PPM1L: variants seen among roughly 807,000 people sequenced by gnomAD.
PPM1L encodes the protein protein phosphatase 1L.
A neutral mutation model predicts 31.4 loss-of-function variants in PPM1L; 13 were observed. The observed-to-expected ratio is 0.41, with a 90% CI of 0.27 to 0.66. PPM1L has a LOEUF of 0.66. PPM1L is among the 30% of genes least tolerant of loss of function. PPM1L has a pLI of 0.29. For synonymous variants in PPM1L, 184 were observed against 175.4 expected, an observed-to-expected ratio of 1.05 and a Z score of -0.39; for missense variants, 326 against 453.7, an observed-to-expected ratio of 0.72 and a Z score of 2.56.
At chr3:160,849,706 C>T (rs1241928151) in intron 1 of PPM1L, among the ~76,000 whole-genome samples, 1 of 151,112 alleles carries the variant, frequency 6.6e-6, no homozygotes, top group Admixed American at 6.6e-5. Flanking sequence ...CTACAGGCGC[C>T]CGCCACCACG....
intron 1 of PPM1L, among the ~76,000 whole-genome samples, chr3:160,835,039 A>ACTTCTTCTTCCT (rs1553810670): frequency 1.5e-5 from 2 of 131,754 alleles, no homozygotes; most frequent in African/African-American, 6.2e-5. Context: ...TACTACTACT[A>ACTTCTTCTTCCT]CTTCTTCTTC....
At chr3:160,961,588 A>T in intron 1 of PPM1L, 148 bp from the exon 2 acceptor site, 1 of 545,780 alleles carries the variant, frequency 1.8e-6, no homozygotes, top group Non-Finnish European at 3.0e-6. Flanking sequence ...TCCAGTGGAT[A>T]CTAAAAATGA....
At chr3:160,838,547 C>G (rs910844556) in intron 1 of PPM1L, among the ~76,000 whole-genome samples, 1 of 151,046 alleles carries the variant, frequency 6.6e-6, no homozygotes, top group African/African-American at 2.5e-5. Flanking sequence ...AGCTGGAAAT[C>G]TGGATTTTTG....
chr3:161,049,475 T>C (rs1367090685), intron 2 of PPM1L, among the ~76,000 whole-genome samples: 1 of 152,180 alleles, frequency 6.6e-6, no homozygotes, highest in African/African-American at 2.4e-5. Context: ...TAAAACTAAC[T>C]GCCTCCTTGC....
chr3:160,849,393 C>CTCTTTCTTTCTTTCTTTCTT (rs540054052), intron 1 of PPM1L, among the ~76,000 whole-genome samples: 12 of 151,232 alleles, frequency 7.9e-5, no homozygotes, highest in African/African-American at 2.9e-4. Flanking sequence ...GACCTGCATT[C>CTCTTTCTTTCTTTCTTTCTT]TCTTTCTTTC....
intron 1 of PPM1L, among the ~76,000 whole-genome samples, chr3:160,919,424 A>C (rs1283600249): frequency 2.6e-5 from 4 of 152,218 alleles, no homozygotes; most frequent in Non-Finnish European, 5.9e-5. Flanking sequence ...AAGGCACACA[A>C]AAATTTTTCT....
intron 1 of PPM1L, among the ~76,000 whole-genome samples, chr3:160,784,178 A>G (rs1304545545): frequency 6.6e-6 from 1 of 152,194 alleles, no homozygotes. Context: ...GTACCTATCT[A>G]TATTCACAGA....
At chr3:160,799,697 G>T (rs1483825428) in intron 1 of PPM1L, among the ~76,000 whole-genome samples, 1 of 152,086 alleles carries the variant, frequency 6.6e-6, no homozygotes, top group African/African-American at 2.4e-5. Flanking sequence ...CATTTTGCCT[G>T]GAACATGTTC....
intron 1 of PPM1L, among the ~76,000 whole-genome samples, chr3:160,864,599 A>G (rs771262095): frequency 6.6e-6 from 1 of 152,224 alleles, no homozygotes; most frequent in Non-Finnish European, 1.5e-5. Context: ...TTGGCTTCAA[A>G]TCTTTATCAG....
intron 2 of PPM1L, among the ~76,000 whole-genome samples, chr3:161,001,943 C>T (rs537787015): frequency 1.3e-5 from 2 of 151,952 alleles, no homozygotes; most frequent in African/African-American, 4.8e-5. Context: ...CCCACTAACT[C>T]GTCATCTAGC....
At chr3:160,808,383 CTGTGTGTGTGTGTGTGTGTG>C (rs71912617) in intron 1 of PPM1L, among the ~76,000 whole-genome samples, 7 of 110,310 alleles carry the variant, frequency 6.3e-5, no homozygotes, top group Admixed American at 6.0e-4. Context: ...CAGGATTTTC[CTGTGTGTGTGTGTGTGTGTG>C]TGTGTGTGTG....
At position 160,770,215 on chromosome 3, in the gene PPM1L, C is replaced by T. The variant is rs1404243711; in HGVS notation, c.399+13508C>T. ...ACTACAGATAATGTAATTTTGTCTC[C>T]TACTTTCTAGATAGTTGTATTTTTT... On this transcript the variant is annotated intron_variant, in intron 1 of 3. Coordinates refer to ENST00000498165, the MANE Select transcript of PPM1L (RefSeq NM_139245.4). Among the ~76,000 whole-genome samples, 9 of 152,096 alleles carry T rather than the reference C, an allele frequency of 5.9e-5. No individual in the cohort carries two copies. The South Asian group carries it at 1.5e-3, about 25-fold the overall frequency.
At chr3:161,029,899 T>C (rs1367519136) in intron 2 of PPM1L, among the ~76,000 whole-genome samples, 7 of 152,128 alleles carry the variant, frequency 4.6e-5, no homozygotes, top group Non-Finnish European at 1.0e-4. Context: ...ATTCCTGATA[T>C]CAGAACAACT....
At chr3:160,802,324 T>G (rs1712454387) in intron 1 of PPM1L, among the ~76,000 whole-genome samples, 1 of 152,128 alleles carries the variant, frequency 6.6e-6, no homozygotes, top group Non-Finnish European at 1.5e-5. Context: ...AGGGATCTGG[T>G]CATTATATAA....
chr3:160,760,652 G>A (rs756901368), intron 1 of PPM1L, among the ~76,000 whole-genome samples: 1 of 151,600 alleles, frequency 6.6e-6, no homozygotes, highest in Non-Finnish European at 1.5e-5. Flanking sequence ...AATGATTTTT[G>A]TCTAGGAAAA....
At chr3:160,905,989 CT>C (rs749039554) in intron 1 of PPM1L, among the ~76,000 whole-genome samples, 13 of 151,808 alleles carry the variant, frequency 8.6e-5, no homozygotes, top group Non-Finnish European at 1.8e-4. Flanking sequence ...CTATTGCTTC[CT>C]TTTGGGCTTC....
intron 2 of PPM1L, among the ~76,000 whole-genome samples, chr3:161,018,324 G>C (rs1718142428): frequency 6.6e-6 from 1 of 152,044 alleles, no homozygotes; most frequent in Non-Finnish European, 1.5e-5. Context: ...CCCTAAATAA[G>C]AATATTTCAT....
intron 1 of PPM1L, among the ~76,000 whole-genome samples, chr3:160,903,212 G>GGTA (rs1713619343): frequency 7.8e-6 from 1 of 128,974 alleles, no homozygotes; most frequent in East Asian, 2.6e-4. Context: ...GTATGTTTGT[G>GGTA]TGTGTGTGTG....
In PPM1L at chr3:161,076,897, GA is replaced by G; in HGVS notation, c.*7741del. The G allele has an allele frequency of 2.0e-5, 3 of 152,306 alleles. No homozygotes were observed. In the Middle Eastern group the frequency reaches 0.01, roughly 518 times the overall value. The allele number at this position is 152,306 out of a possible 1,614,324, so 9.4% of individuals were successfully genotyped here. A position where few individuals can be genotyped will look rare whatever the true frequency, so the allele number is the denominator to read the frequency against. On this transcript the variant is annotated 3_prime_UTR_variant, in exon 4 of 4. Coordinates refer to ENST00000498165, the MANE Select transcript of PPM1L (RefSeq NM_139245.4). ...TAGAAGCATCATTGCATTTATAACA[GA>G]TTGATCAATCTTATGAACAGATTAC...
Sources: gnomAD v4.1 joint callset for allele counts (sites outside exome capture counted in the v4.1 genomes callset) on GRCh38, gnomAD v4.1.1 for gene constraint, MANE v1.5 for transcripts, NCBI Gene and HGNC (gene_info 2026-07-23, HGNC 2026-07-21) for gene names.